The following TMPRSS11D variants were observed in gnomAD, a reference collection of about 807,000 sequenced individuals.
TMPRSS11D encodes transmembrane serine protease 11D.
A neutral mutation model predicts 44.4 loss-of-function variants in TMPRSS11D; 32 were observed. That is an observed-to-expected ratio of 0.72 (90% CI 0.54 to 0.97). The LOEUF is 0.97. TMPRSS11D is among the 50% of genes least tolerant of loss of function. The pLI, the probability that TMPRSS11D is intolerant of heterozygous loss-of-function variation, is 0.00. For synonymous variants in TMPRSS11D, 179 were observed against 177.9 expected (o/e 1.01, Z -0.05); for missense variants, 446 against 502.6 (o/e 0.89, Z 1.08).
chr4:67,849,402 A>T lies in TMPRSS11D; in HGVS notation c.249+4666T>A, dbSNP rs530533771. The stretch of plus-strand genomic sequence containing the variant: ...ATAAATACAGGTTGAAGTAATGGGC[A>T]TGTATGTATGGGATCATCTAGACAG... On this transcript the variant is annotated intron_variant, in intron 3 of 9. Coordinates refer to ENST00000283916, the MANE Select transcript of TMPRSS11D (RefSeq NM_004262.3). Among the ~76,000 whole-genome samples the T allele has an allele frequency of 4.6e-5, 7 of 152,292 alleles. No individual in the cohort carries two copies. In the East Asian group the frequency reaches 1.4e-3, roughly 29 times the overall value.
At chr4:67,846,484 G>T (rs1369555136) in intron 3 of TMPRSS11D, among the ~76,000 whole-genome samples, 2 of 151,896 alleles carry the variant, frequency 1.3e-5, no homozygotes, top group Non-Finnish European at 2.9e-5. Context: ...TCAATACTTG[G>T]CTTTAAGCAT....
intron 1 of TMPRSS11D, among the ~76,000 whole-genome samples, chr4:67,875,041 A>G (rs955747477): frequency 1.7e-4 from 26 of 152,186 alleles, no homozygotes; most frequent in Admixed American, 7.9e-4. Flanking sequence ...TCCCTTCTGA[A>G]TTTAATCCTA....
At chr4:67,843,037 TAAAC>T (rs1718268408) in intron 3 of TMPRSS11D, among the ~76,000 whole-genome samples, 1 of 151,128 alleles carries the variant, frequency 6.6e-6, no homozygotes. Flanking sequence ...GAAACCTGAT[TAAAC>T]CAGACTAAAA....
chr4:67,835,940 AT>A (rs1360522373), intron 5 of TMPRSS11D, among the ~76,000 whole-genome samples: 3 of 152,124 alleles, frequency 2.0e-5, no homozygotes, highest in Non-Finnish European at 4.4e-5. Context: ...AGGTCTGTCT[AT>A]TTCAATTTAA....
intron 1 of TMPRSS11D, among the ~76,000 whole-genome samples, chr4:67,873,680 C>T (rs184174173): frequency 9.5e-4 from 144 of 152,190 alleles, no homozygotes; most frequent in African/African-American, 3.4e-3. Flanking sequence ...ATTAGTTAAT[C>T]TGGGTTGGAC....
chr4:67,858,144 A>G (rs1718700584), intron 2 of TMPRSS11D, among the ~76,000 whole-genome samples: 1 of 152,222 alleles, frequency 6.6e-6, no homozygotes, highest in South Asian at 2.1e-4. Context: ...GAATCTGTCT[A>G]GAATAAAAAT....
In TMPRSS11D at chr4:67,880,857, G is replaced by A. The variant is rs1044036108; in HGVS notation, c.8+3069C>T. On this transcript the variant is annotated intron_variant, in intron 1 of 9. Coordinates refer to ENST00000283916, the MANE Select transcript of TMPRSS11D (RefSeq NM_004262.3). ...ATATTATTTTATTAATCATTGATAC[G>A]CTTGTTCAAACCTCTGGCAAATGGA... Among the ~76,000 whole-genome samples, 12 of 152,242 alleles carry A rather than the reference G, an allele frequency of 7.9e-5. No homozygotes were observed. In the South Asian group the frequency reaches 8.3e-4, roughly 11 times the overall value.
chr4:67,844,855 G>A (rs1001169507), intron 3 of TMPRSS11D, among the ~76,000 whole-genome samples: 9 of 152,012 alleles, frequency 5.9e-5, no homozygotes, highest in East Asian at 1.9e-4. Context: ...GCTGTAATTC[G>A]ATAAAGTAAC....
chr4:67,881,369 T>C (rs1416088894), intron 1 of TMPRSS11D, among the ~76,000 whole-genome samples: 1 of 152,204 alleles, frequency 6.6e-6, no homozygotes, highest in Non-Finnish European at 1.5e-5. Flanking sequence ...CCCAGATGAC[T>C]GACTGCAGCT....
At chr4:67,838,019 G>T in intron 5 of TMPRSS11D, 153 bp downstream of exon 5, 1 of 508,390 alleles carries the variant, frequency 2.0e-6, no homozygotes, top group Non-Finnish European at 3.3e-6. Context: ...TTTACGTTAG[G>T]GAGCTATATG....
intron 9 of TMPRSS11D, among the ~76,000 whole-genome samples, chr4:67,823,220 T>C (rs983994464): frequency 5.3e-5 from 8 of 152,298 alleles, no homozygotes; most frequent in Non-Finnish European, 1.2e-4. Context: ...TGATGCATAG[T>C]ATATCATCAG....
At chr4:67,825,989 G>T in intron 8 of TMPRSS11D, 115 bp from the exon 9 acceptor site, 1 of 1,248,722 alleles carries the variant, frequency 8.0e-7, no homozygotes, top group African/African-American at 1.5e-5. Context: ...ATTTAACAAT[G>T]AAGGCTTCTA....
chr4:67,874,707 G>A (rs536928974), intron 1 of TMPRSS11D, among the ~76,000 whole-genome samples: 30 of 152,252 alleles, frequency 2.0e-4, no homozygotes, highest in Non-Finnish European at 2.1e-4. Context: ...AAGAAAGGAA[G>A]ATGACATTTC....
intron 7 of TMPRSS11D, among the ~76,000 whole-genome samples, chr4:67,830,168 C>A (rs1717910170): frequency 6.6e-6 from 1 of 151,930 alleles, no homozygotes. Flanking sequence ...GACTTTTACA[C>A]AATGCTACTT....
At chr4:67,847,929 C>A (rs1472483265) in intron 3 of TMPRSS11D, among the ~76,000 whole-genome samples, 2 of 152,036 alleles carry the variant, frequency 1.3e-5, no homozygotes, top group Non-Finnish European at 1.5e-5. Flanking sequence ...TAGACACTTG[C>A]ATCATTTATT....
rs1276385568 is a variant in TMPRSS11D at position 67,820,912 on chromosome 4, C to T, written c.*1425G>A. ...AGAATTTATTTGAAATAAAGTATAG[C>T]AAAGATTTGTTTGTACAGTTCGCCA... On this transcript the variant is annotated 3_prime_UTR_variant, in exon 10 of 10. Coordinates refer to ENST00000283916, the MANE Select transcript of TMPRSS11D (RefSeq NM_004262.3). The T allele has an allele frequency of 2.0e-5, 3 of 152,160 alleles. No individual in the cohort carries two copies. Among genetic ancestry groups the T allele is most frequent in the Non-Finnish European group, 4.4e-5 (3 of 68,030 alleles). The allele number at this position is 152,160 out of a possible 1,614,324, so 9.4% of individuals were successfully genotyped here.
intron 5 of TMPRSS11D, among the ~76,000 whole-genome samples, chr4:67,836,679 A>G (rs1361507105): frequency 6.6e-6 from 1 of 152,158 alleles, no homozygotes; most frequent in African/African-American, 2.4e-5. Context: ...TGTTGTAAGG[A>G]TTAATCAAGA....
intron 3 of TMPRSS11D, among the ~76,000 whole-genome samples, chr4:67,849,941 A>C (rs908490826): frequency 6.6e-6 from 1 of 152,204 alleles, no homozygotes; most frequent in Non-Finnish European, 1.5e-5. Context: ...AATGATTTAT[A>C]ATTTTTATGG....
At chr4:67,848,836 G>A (rs550180447) in intron 3 of TMPRSS11D, among the ~76,000 whole-genome samples, 2 of 152,302 alleles carry the variant, frequency 1.3e-5, no homozygotes, top group East Asian at 1.9e-4. Flanking sequence ...GCCGGTCTTC[G>A]AACTTGAAGC....
Sources: allele counts gnomAD v4.1 joint callset (sites outside exome capture counted in the v4.1 genomes callset), GRCh38; gene constraint gnomAD v4.1.1; transcripts MANE v1.5; gene names NCBI Gene and HGNC (gene_info 2026-07-23, HGNC 2026-07-21).